GFRA1: variants seen among roughly 807,000 people sequenced by gnomAD.
The protein encoded by GFRA1 is GDNF family receptor alpha 1, also known as GDNF family receptor alpha-1.
In GFRA1, 16 loss-of-function variants were observed where a neutral mutation model predicts 51.6. The ratio of observed to expected loss-of-function variants is 0.31; its 90% confidence interval spans 0.21 to 0.47. The LOEUF (loss-of-function observed/expected upper bound fraction) is 0.47. Ranked by LOEUF, GFRA1 falls within the 20% of genes least tolerant of loss-of-function variation. The pLI is 1.00. For missense variants in GFRA1, 530 were observed against 594.3 expected (o/e 0.89, Z 1.13); for synonymous variants, 270 against 241.3 (o/e 1.12, Z -1.10).
intron 5 of GFRA1, among the ~76,000 whole-genome samples, chr10:116,180,772 C>T (rs1018951476): frequency 6.6e-6 from 1 of 152,290 alleles, no homozygotes; most frequent in African/African-American, 2.4e-5. Context: ...GACGTTCCAT[C>T]CCCTCTGGGT....
chr10:116,195,528 C>T (rs980554713), intron 5 of GFRA1, among the ~76,000 whole-genome samples: 5 of 152,156 alleles, frequency 3.3e-5, no homozygotes, highest in Non-Finnish European at 5.9e-5. Flanking sequence ...AGTTCATAAT[C>T]GGGTTCATGC....
chr10:116,163,986 C>A (rs1018116010), intron 5 of GFRA1, among the ~76,000 whole-genome samples: 4 of 152,160 alleles, frequency 2.6e-5, no homozygotes, highest in Non-Finnish European at 5.9e-5. Flanking sequence ...CCCATCGAAC[C>A]CCTTGGTGCT....
intron 4 of GFRA1, among the ~76,000 whole-genome samples, chr10:116,215,963 GAGGAAGAAAATAAGA>G (rs1171462911): frequency 6.6e-6 from 1 of 152,094 alleles, no homozygotes; most frequent in Admixed American, 6.6e-5. Context: ...TCAGATGTGG[GAGGAAGAAAATAAGA>G]AAGAAGGAAC....
At chr10:116,241,590 A>G (rs2134634701) in intron 4 of GFRA1, among the ~76,000 whole-genome samples, 1 of 152,342 alleles carries the variant, frequency 6.6e-6, no homozygotes, top group South Asian at 2.1e-4. Context: ...CACTGGCTGA[A>G]GTTCCACTTT....
intron 9 of GFRA1, among the ~76,000 whole-genome samples, chr10:116,074,615 A>T (rs1485385707): frequency 6.6e-6 from 1 of 152,200 alleles, no homozygotes; most frequent in Non-Finnish European, 1.5e-5. Context: ...AGGTCCCTGC[A>T]GCAAAGGGGC....
rs750917867 is a variant in GFRA1, at chr10:116,272,054, G to T, written c.-25C>A. On this transcript the variant is annotated 5_prime_UTR_variant, in exon 2 of 11. Transcript: ENST00000355422. The surrounding 1 kb of genome is among the most constrained non-coding windows in gnomAD (Gnocchi z 4.4). The stretch of plus-strand genomic sequence containing the variant: ...TGGTGCCGGCGCGGGGCTGGTCCCC[G>T]CCCCCCCAAAAAAATCCCGAGCCGC... 1.3e-6 allele frequency: 2 copies of T among 1,545,338 alleles called. No individual in the cohort carries two copies. The highest frequency in any genetic ancestry group is 1.7e-6 in the Non-Finnish European group (2 of 1,144,072).
chr10:116,263,454 A>C (rs2134774883), intron 4 of GFRA1, among the ~76,000 whole-genome samples: 1 of 152,344 alleles, frequency 6.6e-6, no homozygotes, highest in African/African-American at 2.4e-5. Flanking sequence ...AGTGAGCTCA[A>C]GATAAGGTGA....
chr10:116,199,761 T>C (rs567136192), intron 5 of GFRA1, among the ~76,000 whole-genome samples: 1 of 152,326 alleles, frequency 6.6e-6, no homozygotes, highest in South Asian at 2.1e-4. Context: ...AATGCACAAA[T>C]CTTAAGTGTA....
rs1002485279 is a variant in GFRA1 at position 116,272,073 on chromosome 10, G to T, written c.-44C>A. ...GTCCCCGCCCCCCCAAAAAAATCCCGAGCCGCCGCTGGGTCTTGCCGAGGG... is the reference window on the plus strand; with the variant it reads ...GTCCCCGCCCCCCCAAAAAAATCCCTAGCCGCCGCTGGGTCTTGCCGAGGG... On this transcript the variant is annotated 5_prime_UTR_variant, in exon 2 of 11. Transcript: ENST00000355422. This position sits in a 1 kb window ranked among gnomAD's most constrained non-coding sequence, Gnocchi z 4.4. The T allele has an allele frequency of 5.9e-5, 89 of 1,513,310 alleles. No homozygotes were observed. Among genetic ancestry groups the T allele is most frequent in the Non-Finnish European group, 7.8e-5 (87 of 1,114,696 alleles). The allele number at this position is 1,513,310 out of a possible 1,614,324, so 93.7% of individuals were successfully genotyped here. A position where few individuals can be genotyped will look rare whatever the true frequency, so the allele number is the denominator to read the frequency against.
intron 5 of GFRA1, among the ~76,000 whole-genome samples, chr10:116,126,999 G>A (rs1270168167): frequency 6.6e-6 from 1 of 151,834 alleles, no homozygotes; most frequent in Non-Finnish European, 1.5e-5. Flanking sequence ...GTCACAGGAG[G>A]ACAAATACTG....
chr10:116,270,963 C>T lies in GFRA1; in HGVS notation c.193G>A (p.Gly65Ser). The change falls in exon 3 of 11, where the codon GGC becomes AGC. Residue 65 changes from glycine (G) to serine (S), a missense_variant. Gly to Ser is a moderately conservative substitution (Grantham distance 56, BLOSUM62 0). Coordinates refer to ENST00000355422, the MANE Select transcript of GFRA1 (RefSeq NM_005264.8). ...CGGCACTCATCCTTGGCCTCCAGGC[C>T]GGATGCCAGGCTGAAGTTGGTCTCC... The part of the protein sequence containing the change: ...GKETNFSLAS[G>S]LEAKDECRSA... 1.2e-6 allele frequency: 2 copies of T among 1,614,216 alleles called. No homozygotes were observed.
chr10:116,224,215 G>T (rs898693299), intron 4 of GFRA1, among the ~76,000 whole-genome samples: 4 of 152,228 alleles, frequency 2.6e-5, no homozygotes, highest in African/African-American at 9.6e-5. Context: ...ATTATGTAGA[G>T]AAACTGGAAG....
chr10:116,153,963 A>G (rs1172395525), intron 5 of GFRA1, among the ~76,000 whole-genome samples: 2 of 152,222 alleles, frequency 1.3e-5, no homozygotes, highest in African/African-American at 2.4e-5. Context: ...CAAAAAGAGA[A>G]CATTTAAATG....
At chr10:116,128,069 C>T (rs1462330233) in intron 5 of GFRA1, among the ~76,000 whole-genome samples, 2 of 152,118 alleles carry the variant, frequency 1.3e-5, no homozygotes, top group Non-Finnish European at 2.9e-5. Context: ...GAGAAAAATG[C>T]CTGAAGAATC....
chr10:116,070,187 T>G (rs1955314094), intron 9 of GFRA1, among the ~76,000 whole-genome samples: 1 of 152,124 alleles, frequency 6.6e-6, no homozygotes, highest in Admixed American at 6.6e-5. Context: ...CTTTACTGAT[T>G]AGAGAGATTT....
At chr10:116,255,943 C>CA (rs1206021573) in intron 4 of GFRA1, 1 of 155,500 alleles carries the variant, frequency 6.4e-6, no homozygotes, top group Non-Finnish European at 1.4e-5. Flanking sequence ...TGCGTGCACT[C>CA]AAATCATCTA....
intron 4 of GFRA1, among the ~76,000 whole-genome samples, chr10:116,217,363 G>A (rs1965633744): frequency 6.6e-6 from 1 of 152,208 alleles, no homozygotes; most frequent in Admixed American, 6.5e-5. Flanking sequence ...AATATCATGA[G>A]GATCAAGTGG....
At chr10:116,230,699 T>G (rs1364842339) in intron 4 of GFRA1, among the ~76,000 whole-genome samples, 3 of 135,140 alleles carry the variant, frequency 2.2e-5, no homozygotes, top group Admixed American at 8.2e-5. Context: ...TTAAAGAAAC[T>G]AGGCACATGT....
At chr10:116,247,314 G>A (rs1002391794) in intron 4 of GFRA1, among the ~76,000 whole-genome samples, 2 of 152,156 alleles carry the variant, frequency 1.3e-5, no homozygotes, top group African/African-American at 4.8e-5. Context: ...GCCCCTATCA[G>A]TTCTGGAGCT....
Sources: allele counts gnomAD v4.1 joint callset (sites outside exome capture counted in the v4.1 genomes callset), GRCh38; gene constraint gnomAD v4.1.1; non-coding constraint Gnocchi (gnomAD v3.1); transcripts MANE v1.5; gene names NCBI Gene and HGNC (gene_info 2026-07-23, HGNC 2026-07-21).